The following HMBOX1 variants were observed in gnomAD, a reference collection of about 807,000 sequenced individuals.
HMBOX1 encodes the protein homeobox-containing protein 1.
A neutral mutation model predicts 54.5 loss-of-function variants in HMBOX1; 14 were observed. That is an observed-to-expected ratio of 0.26 (90% CI 0.17 to 0.40). The LOEUF is 0.40. Among genes scored for constraint, HMBOX1 ranks in the 10% least tolerant of loss-of-function variants. HMBOX1 has a pLI of 1.00. For synonymous variants in HMBOX1, 160 were observed against 181.0 expected, an observed-to-expected ratio of 0.88 and a Z score of 0.93; for missense variants, 332 against 514.4, an observed-to-expected ratio of 0.65 and a Z score of 3.43.
intron 5 of HMBOX1, among the ~76,000 whole-genome samples, chr8:29,013,407 T>C (rs912443114): frequency 2.6e-5 from 4 of 152,234 alleles, no homozygotes; most frequent in African/African-American, 9.6e-5. Flanking sequence ...GTGCTGGGAT[T>C]ATAGGCATGA....
chr8:28,974,958 TTTA>T (rs1479253774), intron 3 of HMBOX1, among the ~76,000 whole-genome samples: 5 of 152,214 alleles, frequency 3.3e-5, no homozygotes, highest in Non-Finnish European at 5.9e-5. Flanking sequence ...ACAGGTGGTC[TTTA>T]TTATTCTTTG....
chr8:29,051,367 A>ACCAC lies in HMBOX1; in HGVS notation c.*215_*216insCCCA. On this transcript the variant is annotated 3_prime_UTR_variant, in exon 10 of 10. Transcript: ENST00000287701. Reference sequence around the variant, plus strand: ...ACTCCCAGTAAATAATAACCAACCAACCAACCAAACTTCCCTCTCCCAGCC... The same window carrying ACCAC: ...ACTCCCAGTAAATAATAACCAACCAACCACCCAACCAAACTTCCCTCTCCCAGCC... 1.6e-6 allele frequency: 1 copy of ACCAC among 637,874 alleles called. No homozygotes were observed. The highest frequency in any genetic ancestry group is 2.8e-6 in the Non-Finnish European group (1 of 357,684). The allele number at this position is 637,874 out of a possible 1,614,324, so 39.5% of individuals were successfully genotyped here.
chr8:28,976,471 C>T (rs946641421), intron 3 of HMBOX1, among the ~76,000 whole-genome samples: 5 of 152,046 alleles, frequency 3.3e-5, no homozygotes, highest in Admixed American at 6.6e-5. Context: ...CTGCAGCATC[C>T]GCCTTCTGGT....
At chr8:28,968,913 C>T (rs1036621990) in intron 2 of HMBOX1, among the ~76,000 whole-genome samples, 5 of 152,186 alleles carry the variant, frequency 3.3e-5, no homozygotes, top group African/African-American at 1.2e-4. Context: ...GTGGCTCACA[C>T]CTGTAATCCC....
intron 6 of HMBOX1, among the ~76,000 whole-genome samples, chr8:29,036,499 A>T (rs1803899460): frequency 6.6e-6 from 1 of 152,088 alleles, no homozygotes; most frequent in African/African-American, 2.4e-5. Flanking sequence ...GGAAAAAAGG[A>T]AGGTCAGTGT....
intron 4 of HMBOX1, among the ~76,000 whole-genome samples, chr8:29,007,970 G>A (rs1400925395): frequency 1.3e-5 from 2 of 152,088 alleles, no homozygotes; most frequent in African/African-American, 4.8e-5. Context: ...GTGATCCCAG[G>A]ACCTCCTGCT....
chr8:29,045,453 C>A lies in HMBOX1; in HGVS notation c.934+10C>A. Reference sequence around the variant, plus strand: ...GTTATACAGAAGCCAGGTAAGGTCGCAGGCACAGCCTTGCTCTGCGGTGCA... The same window carrying A: ...GTTATACAGAAGCCAGGTAAGGTCGAAGGCACAGCCTTGCTCTGCGGTGCA... On this transcript the variant is annotated intron_variant, in intron 7 of 9. Transcript: ENST00000287701. 3.1e-6 allele frequency: 5 copies of A among 1,610,138 alleles called. No individual in the cohort carries two copies. The highest frequency in any genetic ancestry group is 4.2e-6 in the Non-Finnish European group (5 of 1,176,504).
intron 4 of HMBOX1, among the ~76,000 whole-genome samples, chr8:28,993,985 A>T (rs1252171215): frequency 6.6e-6 from 1 of 152,148 alleles, no homozygotes; most frequent in African/African-American, 2.4e-5. Context: ...CCTGGCCAAC[A>T]TTATGAAACC....
chr8:28,977,096 A>T (rs952195060), intron 3 of HMBOX1, among the ~76,000 whole-genome samples: 1 of 152,116 alleles, frequency 6.6e-6, no homozygotes. Flanking sequence ...GATTTTTGGG[A>T]TTCCTTCTGT....
intron 4 of HMBOX1, among the ~76,000 whole-genome samples, chr8:29,006,925 A>C (rs1833535360): frequency 6.6e-6 from 1 of 152,220 alleles, no homozygotes; most frequent in Non-Finnish European, 1.5e-5. Context: ...GAATCCATGT[A>C]AAATAATTTT....
chr8:28,920,316 A>T (rs1226192134), intron 1 of HMBOX1, among the ~76,000 whole-genome samples: 1 of 152,194 alleles, frequency 6.6e-6, no homozygotes, highest in Non-Finnish European at 1.5e-5. Flanking sequence ...GGGCCTTGGA[A>T]TATAGTTGTG....
chr8:28,913,076 T>C (rs1366329008), intron 1 of HMBOX1, among the ~76,000 whole-genome samples: 1 of 152,166 alleles, frequency 6.6e-6, no homozygotes, highest in Non-Finnish European at 1.5e-5. Flanking sequence ...CTTTTCCTCC[T>C]ATAGTCACCC....
intron 1 of HMBOX1, among the ~76,000 whole-genome samples, chr8:28,921,853 C>T (rs1817620113): frequency 1.3e-5 from 2 of 152,074 alleles, no homozygotes; most frequent in Non-Finnish European, 2.9e-5. Flanking sequence ...ATAGAGAAGA[C>T]CTATATGCAG....
chr8:28,929,244 A>T (rs889244279), intron 1 of HMBOX1, among the ~76,000 whole-genome samples: 4 of 152,194 alleles, frequency 2.6e-5, no homozygotes, highest in African/African-American at 4.8e-5. Context: ...ATCAAGTTTT[A>T]AGGAAATTAA....
intron 5 of HMBOX1, among the ~76,000 whole-genome samples, chr8:29,017,754 T>G (rs1230630884): frequency 6.6e-6 from 1 of 152,156 alleles, no homozygotes; most frequent in Non-Finnish European, 1.5e-5. Context: ...GATGTAGCTA[T>G]TAAGAAGGGG....
At chr8:28,945,732 T>C (rs1315858843) in intron 1 of HMBOX1, among the ~76,000 whole-genome samples, 2 of 152,126 alleles carry the variant, frequency 1.3e-5, no homozygotes, top group African/African-American at 2.4e-5. Context: ...TATTTTGGGA[T>C]ATGACACAAC....
At chr8:28,957,583 T>C (rs114380858) in intron 1 of HMBOX1, among the ~76,000 whole-genome samples, 4,775 of 137,126 alleles carry the variant, frequency 0.035, 267 homozygotes, top group African/African-American at 0.12. Context: ...AACAAAGCCT[T>C]TCTGCTCTAT....
intron 1 of HMBOX1, among the ~76,000 whole-genome samples, chr8:28,933,225 A>G (rs1291547938): frequency 6.6e-6 from 1 of 152,130 alleles, no homozygotes; most frequent in Non-Finnish European, 1.5e-5. Flanking sequence ...CTAAATACCA[A>G]AAAACCATAC....
intron 2 of HMBOX1, among the ~76,000 whole-genome samples, chr8:28,967,419 C>A (rs1465137592): frequency 6.6e-6 from 1 of 152,124 alleles, no homozygotes. Context: ...AATTCTAATT[C>A]AAGTGTTAGG....
Sources: allele counts gnomAD v4.1 joint callset (sites outside exome capture counted in the v4.1 genomes callset), GRCh38; gene constraint gnomAD v4.1.1; transcripts MANE v1.5; gene names NCBI Gene and HGNC (gene_info 2026-07-23, HGNC 2026-07-21).